The following PACRG variants were observed in gnomAD, a reference collection of about 807,000 sequenced individuals.
PACRG encodes parkin coregulated gene protein.
Under a neutral mutation model 29.7 loss-of-function variants are expected in PACRG, and 29 were observed. The observed-to-expected ratio is 0.98, with a 90% CI of 0.73 to 1.33. The LOEUF is 1.33. Ranked by LOEUF, PACRG falls within the 40% of genes most tolerant of loss-of-function variation. The pLI is 0.00. For missense variants in PACRG, 279 were observed against 316.2 expected, an observed-to-expected ratio of 0.88 and a Z score of 0.89; for synonymous variants, 116 against 118.7, an observed-to-expected ratio of 0.98 and a Z score of 0.15.
rs1779431960 is a variant in PACRG at position 162,728,283 on chromosome 6, G to T, written c.48G>T (p.Lys16Asn). 1 of 1,613,906 alleles carries T rather than the reference G, an allele frequency of 6.2e-7. No individual in the cohort carries two copies. The highest frequency in any genetic ancestry group is 1.7e-5 in the Admixed American group (1 of 59,996). ...ETLSLNKCPD[K>N]MPKRTKLLAQ... ...TGAGCTTAAACAAATGCCCAGACAA[G>T]ATGCCGAAGAGGACCAAGCTGCTGG... The change falls in exon 1 of 5, where the codon AAG (lysine) becomes AAT (asparagine). Residue 16 changes from lysine (K) to asparagine (N), a missense_variant. Coordinates refer to ENST00000366888, the MANE Select transcript of PACRG (RefSeq NM_001080379.2).
intron 1 of PACRG, among the ~76,000 whole-genome samples, chr6:162,798,808 T>G (rs1218887458): frequency 6.6e-6 from 1 of 152,156 alleles, no homozygotes; most frequent in Non-Finnish European, 1.5e-5. Flanking sequence ...AAAGATGTAT[T>G]AGGAAACCCC....
intron 2 of PACRG, among the ~76,000 whole-genome samples, chr6:163,050,094 CTTT>C (rs1042256830): frequency 6.6e-6 from 1 of 152,018 alleles, no homozygotes; most frequent in African/African-American, 2.4e-5. Context: ...TTCACAAACA[CTTT>C]TTATTATTGC....
intron 4 of PACRG, among the ~76,000 whole-genome samples, chr6:163,096,789 A>G (rs528302538): frequency 1.3e-5 from 2 of 151,556 alleles, no homozygotes; most frequent in South Asian, 2.1e-4. Flanking sequence ...AGAACCAAAT[A>G]CATGTGGCTT....
At chr6:163,305,938 C>G (rs577221479) in intron 4 of PACRG, among the ~76,000 whole-genome samples, 6 of 152,182 alleles carry the variant, frequency 3.9e-5, no homozygotes, top group Non-Finnish European at 8.8e-5. Context: ...CTCCTGCTCT[C>G]GCTGTGATGA....
intron 2 of PACRG, among the ~76,000 whole-genome samples, chr6:162,887,420 G>C (rs895981463): frequency 4.6e-5 from 7 of 152,122 alleles, no homozygotes; most frequent in African/African-American, 1.7e-4. Context: ...GAATTTTAGT[G>C]AAAAAATTAA....
At chr6:162,852,032 G>GAAGGAAGA (rs1790953808) in intron 2 of PACRG, among the ~76,000 whole-genome samples, 1 of 151,568 alleles carries the variant, frequency 6.6e-6, no homozygotes, top group Non-Finnish European at 1.5e-5. Context: ...AGGAAGGAAG[G>GAAGGAAGA]AAGGAAAGAT....
At chr6:163,125,392 G>A (rs1237813701) in intron 4 of PACRG, among the ~76,000 whole-genome samples, 1 of 152,200 alleles carries the variant, frequency 6.6e-6, no homozygotes, top group East Asian at 1.9e-4. Context: ...GGAAAAGATT[G>A]ATGGGTCTGA....
At chr6:162,917,505 G>T (rs1456234883) in intron 2 of PACRG, among the ~76,000 whole-genome samples, 1 of 152,160 alleles carries the variant, frequency 6.6e-6, no homozygotes, top group African/African-American at 2.4e-5. Flanking sequence ...GTAGTCAGGG[G>T]ACAGCTGTCT....
chr6:163,271,799 A>C (rs1783840995), intron 4 of PACRG, among the ~76,000 whole-genome samples: 1 of 152,190 alleles, frequency 6.6e-6, no homozygotes, highest in Admixed American at 6.5e-5. Flanking sequence ...AATATGTCTA[A>C]TTACAATTAA....
chr6:163,197,600 C>T (rs1463681017), intron 4 of PACRG, among the ~76,000 whole-genome samples: 2 of 136,654 alleles, frequency 1.5e-5, no homozygotes, highest in Admixed American at 7.5e-5. Context: ...CCCGCCACCA[C>T]GCCCGGCTAA....
At chr6:163,006,852 G>A (rs1230854707) in intron 2 of PACRG, among the ~76,000 whole-genome samples, 3 of 151,112 alleles carry the variant, frequency 2.0e-5, no homozygotes, top group South Asian at 2.1e-4. Context: ...TATGTTTCTC[G>A]GAGGCAGCTT....
At chr6:163,288,408 T>C (rs1784469966) in intron 4 of PACRG, among the ~76,000 whole-genome samples, 1 of 152,228 alleles carries the variant, frequency 6.6e-6, no homozygotes, top group Non-Finnish European at 1.5e-5. Flanking sequence ...GGGACTTACC[T>C]GTTACAGTTT....
Position 163,157,962 on chromosome 6 carries a change from C to A in PACRG, c.613+68554C>A, listed in dbSNP as rs182604995. ...TAACTCTTGACTTTTCTATTAGGAC[C>A]TAAAGAATCCATAGAAATGATCTAC... On this transcript the variant is annotated intron_variant, in intron 4 of 4. Coordinates refer to ENST00000366888, the MANE Select transcript of PACRG (RefSeq NM_001080379.2). Among the ~76,000 whole-genome samples the A allele has an allele frequency of 1.0e-3, 158 of 152,276 alleles. 1 individual carries two copies. Among genetic ancestry groups the A allele is most frequent in the Non-Finnish European group, 1.5e-4 (10 of 68,022 alleles).
At chr6:162,791,327 C>A in intron 1 of PACRG, among the ~76,000 whole-genome samples, 1 of 64,526 alleles carries the variant, frequency 1.5e-5, no homozygotes, top group African/African-American at 6.6e-5. Context: ...TTTTTTTTTG[C>A]TTTGCGCTAA....
chr6:163,307,123 C>T (rs531106826), intron 4 of PACRG, among the ~76,000 whole-genome samples: 36 of 152,224 alleles, frequency 2.4e-4, no homozygotes, highest in East Asian at 7.7e-4. Flanking sequence ...AGTTGGACAA[C>T]GACAATTGTT....
At chr6:162,758,613 G>C (rs149715891) in intron 1 of PACRG, among the ~76,000 whole-genome samples, 135 of 152,292 alleles carry the variant, frequency 8.9e-4, no homozygotes, top group African/African-American at 3.0e-3. Context: ...ATGGACAAGA[G>C]AGCCAGATTA....
At chr6:163,031,981 T>A (rs1244197600) in intron 2 of PACRG, among the ~76,000 whole-genome samples, 2 of 152,192 alleles carry the variant, frequency 1.3e-5, no homozygotes, top group Admixed American at 6.5e-5. Context: ...CCTGGTAAAA[T>A]AACCAGTTTC....
chr6:162,742,309 G>A (rs976230427), intron 1 of PACRG, among the ~76,000 whole-genome samples: 2 of 152,212 alleles, frequency 1.3e-5, no homozygotes, highest in African/African-American at 4.8e-5. Context: ...TTTTATAAGG[G>A]GTTTCCCCTT....
chr6:162,770,913 T>G (rs1025939028), intron 1 of PACRG, among the ~76,000 whole-genome samples: 1 of 152,188 alleles, frequency 6.6e-6, no homozygotes, highest in Admixed American at 6.5e-5. Context: ...CTTAAGTTTA[T>G]AAATTTAGGT....
Sources: allele counts gnomAD v4.1 joint callset (sites outside exome capture counted in the v4.1 genomes callset), GRCh38; gene constraint gnomAD v4.1.1; transcripts MANE v1.5; gene names NCBI Gene and HGNC (gene_info 2026-07-23, HGNC 2026-07-21).